Variants in EXOC6B observed in about 807,000 individuals in gnomAD.
The protein encoded by EXOC6B is exocyst complex component 6B.
EXOC6B carries 54 observed loss-of-function variants against 113.5 expected under a neutral mutation model. The ratio of observed to expected loss-of-function variants is 0.48; its 90% CI spans 0.38 to 0.60. EXOC6B has a LOEUF of 0.60. Ranked by LOEUF, EXOC6B falls within the 20% of genes least tolerant of loss-of-function variation. The pLI, the probability that EXOC6B is intolerant of heterozygous loss-of-function variation, is 0.00. For synonymous variants in EXOC6B, 357 were observed against 339.0 expected, an observed-to-expected ratio of 1.05 and a Z score of -0.58; for missense variants, 797 against 977.5, an observed-to-expected ratio of 0.82 and a Z score of 2.46.
intron 8 of EXOC6B, among the ~76,000 whole-genome samples, chr2:72,546,944 C>G (rs544783096): frequency 6.6e-6 from 1 of 152,314 alleles, no homozygotes; most frequent in South Asian, 2.1e-4. Flanking sequence ...TCAATAGATA[C>G]CTGAAACCTA....
rs189470119 is a variant in EXOC6B at position 72,413,596 on chromosome 2, T to A, written c.1981-33726A>T. Among the ~76,000 whole-genome samples, 640 of 150,076 alleles carry A rather than the reference T, an allele frequency of 4.3e-3. 7 individuals carry two copies. The highest frequency in any genetic ancestry group is 0.015 in the African/African-American group (607 of 40,744). ...TACTCCGGAGGCTGAGGCAGGAGAA[T>A]CACTTGAACCCAGAAGGCAGAGATT... On this transcript the variant is annotated intron_variant, in intron 18 of 21. Transcript: ENST00000272427.
intron 7 of EXOC6B, among the ~76,000 whole-genome samples, chr2:72,572,001 A>C (rs1456070490): frequency 6.6e-6 from 1 of 152,246 alleles, no homozygotes; most frequent in African/African-American, 2.4e-5. Context: ...CAGAGTAAAG[A>C]AAGTACCTAA....
At chr2:72,409,573 T>A (rs1384585615) in intron 18 of EXOC6B, among the ~76,000 whole-genome samples, 3 of 152,132 alleles carry the variant, frequency 2.0e-5, no homozygotes, top group African/African-American at 7.2e-5. Flanking sequence ...TGTAGGGACA[T>A]GGATGAAGCT....
intron 8 of EXOC6B, 76 bp from the exon 9 acceptor site, chr2:72,515,202 C>A (rs915418881): frequency 2.9e-6 from 4 of 1,356,526 alleles, no homozygotes; most frequent in Admixed American, 4.1e-5. Context: ...AAGAGAAGGT[C>A]CCAGGTCTGG....
chr2:72,449,841 T>A (rs1573146241), intron 18 of EXOC6B, among the ~76,000 whole-genome samples: 2 of 152,142 alleles, frequency 1.3e-5, no homozygotes, highest in African/African-American at 4.8e-5. Context: ...AGAGTTCTAG[T>A]CTAATACTCT....
At chr2:72,812,458 A>G (rs1023802588) in intron 1 of EXOC6B, among the ~76,000 whole-genome samples, 8 of 152,226 alleles carry the variant, frequency 5.3e-5, no homozygotes, top group African/African-American at 1.9e-4. Flanking sequence ...CCTCAAACTG[A>G]CATTTAGATT....
rs766214952 is a variant in EXOC6B at position 72,321,533 on chromosome 2, C to CAAAA, written c.2196+13410_2196+13413dup. ...TGGGAGACAGAGAGAGACTCCGTCT[C>CAAAA]AAAAAAAAAAAAAAAAAAAATGGAG... On this transcript the variant is annotated intron_variant, in intron 20 of 21. Coordinates refer to ENST00000272427, the MANE Select transcript of EXOC6B (RefSeq NM_015189.3). Among the ~76,000 whole-genome samples, 35 of 61,116 alleles carry CAAAA rather than the reference C, an allele frequency of 5.7e-4. 1 individual carries two copies. Among genetic ancestry groups the CAAAA allele is most frequent in the Non-Finnish European group, 1.0e-3 (29 of 28,930 alleles). 40.1% of individuals were successfully genotyped at this position (61,116 alleles called of 152,430 possible).
chr2:72,596,111 TA>T (rs1670066424), intron 6 of EXOC6B, among the ~76,000 whole-genome samples: 1 of 152,058 alleles, frequency 6.6e-6, no homozygotes, highest in South Asian at 2.1e-4. Context: ...AAAAATAGTA[TA>T]AAAAGCCAAG....
intron 16 of EXOC6B, among the ~76,000 whole-genome samples, chr2:72,486,877 A>C (rs1699452734): frequency 6.6e-6 from 1 of 152,086 alleles, no homozygotes; most frequent in Non-Finnish European, 1.5e-5. Flanking sequence ...AAAACAAAAA[A>C]AAAAACCTGT....
At chr2:72,405,263 G>T (rs555700286) in intron 18 of EXOC6B, among the ~76,000 whole-genome samples, 1 of 152,190 alleles carries the variant, frequency 6.6e-6, no homozygotes, top group South Asian at 2.1e-4. Flanking sequence ...ATGGAACCAA[G>T]TCAGAAAACA....
chr2:72,621,832 T>C (rs1031750135), intron 6 of EXOC6B, among the ~76,000 whole-genome samples: 2 of 152,144 alleles, frequency 1.3e-5, no homozygotes, highest in South Asian at 4.1e-4. Context: ...TAACCCCATC[T>C]CATCAAAGGA....
intron 11 of EXOC6B, among the ~76,000 whole-genome samples, chr2:72,507,530 T>C (rs1700657152): frequency 6.6e-6 from 1 of 152,012 alleles, no homozygotes; most frequent in African/African-American, 2.4e-5. Flanking sequence ...ATGAAACCTA[T>C]GTAACAAACC....
intron 18 of EXOC6B, among the ~76,000 whole-genome samples, chr2:72,396,045 T>C (rs901337981): frequency 6.6e-6 from 1 of 152,096 alleles, no homozygotes; most frequent in Non-Finnish European, 1.5e-5. Flanking sequence ...TAACATAAAA[T>C]TTTAATATGA....
At chr2:72,794,689 A>G (rs1384754907) in intron 1 of EXOC6B, among the ~76,000 whole-genome samples, 1 of 152,240 alleles carries the variant, frequency 6.6e-6, no homozygotes, top group Non-Finnish European at 1.5e-5. Flanking sequence ...GGTGATAGAA[A>G]CAAGGAATTC....
At chr2:72,260,041 G>A (rs1236525862) in intron 20 of EXOC6B, among the ~76,000 whole-genome samples, 3 of 151,994 alleles carry the variant, frequency 2.0e-5, no homozygotes, top group African/African-American at 7.2e-5. Context: ...GACATAGTGA[G>A]ACTCTGTTGA....
chr2:72,624,619 A>G (rs572867046), intron 6 of EXOC6B, among the ~76,000 whole-genome samples: 3 of 152,214 alleles, frequency 2.0e-5, no homozygotes, highest in Admixed American at 1.3e-4. Flanking sequence ...AGTGGCACAT[A>G]TCTATAGTAC....
intron 20 of EXOC6B, chr2:72,289,101 G>A (rs1380383731): frequency 7.1e-6 from 2 of 282,870 alleles, no homozygotes; most frequent in South Asian, 4.8e-5. Flanking sequence ...GGAAATCCTG[G>A]GATTCTTTTT....
intron 20 of EXOC6B, among the ~76,000 whole-genome samples, chr2:72,189,869 T>C (rs866910471): frequency 7.3e-6 from 1 of 137,246 alleles, no homozygotes; most frequent in Middle Eastern, 3.5e-3. Flanking sequence ...TCTTTTTTTT[T>C]TTTTTTTTTT....
At position 72,563,183 on chromosome 2, in the gene EXOC6B, G is replaced by C. The variant is rs111541553; in HGVS notation, c.847-3662C>G. Among the ~76,000 whole-genome samples, 120 of 152,210 alleles carry C rather than the reference G, an allele frequency of 7.9e-4. 2 individuals carry two copies. Among genetic ancestry groups the C allele is most frequent in the African/African-American group, 2.7e-3 (112 of 41,550 alleles). ...CGAGCTAGTAAAAGAATTTGAGGAT[G>C]CCTGAACTTCAGTATCCAGAGGTAG... On this transcript the variant is annotated intron_variant, in intron 7 of 21. Coordinates refer to ENST00000272427, the MANE Select transcript of EXOC6B (RefSeq NM_015189.3).
Sources: allele counts gnomAD v4.1 joint callset (sites outside exome capture counted in the v4.1 genomes callset), GRCh38; gene constraint gnomAD v4.1.1; transcripts MANE v1.5; gene names NCBI Gene and HGNC (gene_info 2026-07-23, HGNC 2026-07-21).